Variants in PLEKHM1 observed in about 807,000 individuals in gnomAD.
PLEKHM1 encodes pleckstrin homology domain-containing family M member 1.
PLEKHM1 carries 28 observed loss-of-function variants against 94.3 expected under a neutral mutation model. The observed-to-expected ratio is 0.30, with a 90% CI of 0.22 to 0.41. The LOEUF is 0.41. Among genes scored for constraint, PLEKHM1 ranks in the 10% least tolerant of loss-of-function variants. PLEKHM1 has a pLI of 1.00. For missense variants in PLEKHM1, 907 were observed against 1,358.6 expected, an observed-to-expected ratio of 0.67 and a Z score of 5.22; for synonymous variants, 424 against 581.2, an observed-to-expected ratio of 0.73 and a Z score of 3.89.
chr17:45,440,434 C>A, intron 9 of PLEKHM1: 1 of 638,532 alleles, frequency 1.6e-6, no homozygotes, highest in African/African-American at 1.8e-5. Context: ...GGGCACGTTA[C>A]TTAACCTCTC....
chr17:45,436,116 G>C lies in PLEKHM1; in HGVS notation c.*1742C>G. ...ATCTGAAAGCACTGGCAGCTTCTGG[G>C]GAACGGGCCCCCCAGGGCCTCAAAC... is the stretch of plus-strand genomic sequence containing the variant. On this transcript the variant is annotated 3_prime_UTR_variant, in exon 12 of 12. Coordinates refer to ENST00000430334, the MANE Select transcript of PLEKHM1 (RefSeq NM_014798.3). The C allele has an allele frequency of 2.2e-6, 1 of 456,424 alleles. No individual in the cohort carries two copies. The highest frequency in any genetic ancestry group is 1.5e-5 in the South Asian group (1 of 64,564). 28.3% of individuals were successfully genotyped at this position (456,424 alleles called of 1,614,324 possible).
Position 45,436,465 on chromosome 17 carries a change from TG to T in PLEKHM1, c.*1392del, listed in dbSNP as rs777646613. 24 of 452,412 alleles carry T rather than the reference TG, an allele frequency of 5.3e-5. No individual in the cohort carries two copies. Among genetic ancestry groups the T allele is most frequent in the Non-Finnish European group, 1.0e-4 (23 of 225,910 alleles). The allele number at this position is 452,412 out of a possible 1,614,324, so 28.0% of individuals were successfully genotyped here. On this transcript the variant is annotated 3_prime_UTR_variant, in exon 12 of 12. Transcript: ENST00000430334. ...GCAGCTAATCGCCCCCAGGGAAGGG[TG>T]GGGGTGGGCTCATCTCTGACAGTGA... is the stretch of plus-strand genomic sequence containing the variant.
rs1420700004 is a variant in PLEKHM1, at chr17:45,475,762, C to T, written c.297-36G>A. On this transcript the variant is annotated intron_variant, in intron 3 of 11. Transcript: ENST00000430334. ...AGAACAGACGTGTTTCAAGAAACTA[C>T]CCCAAATCACAGAGATGTGCTTTTA... The T allele has an allele frequency of 4.5e-6, 7 of 1,559,926 alleles. No homozygotes were observed. The Admixed American group carries it at 9.6e-5, about 21-fold the overall frequency.
intron 3 of PLEKHM1, chr17:45,476,169 T>G (rs2051728186): frequency 6.8e-6 from 1 of 146,816 alleles, no homozygotes; most frequent in South Asian, 2.1e-4. Context: ...ATAATAAATA[T>G]ATAAATATAA....
In PLEKHM1 at chr17:45,437,883, TA is replaced by T. The variant is rs2050317249; in HGVS notation, c.3145del (p.Tyr1049ThrfsTer17). On this transcript the variant is annotated frameshift_variant, in exon 12 of 12. Coordinates refer to ENST00000430334, the MANE Select transcript of PLEKHM1 (RefSeq NM_014798.3). LOFTEE classifies it high-confidence loss of function. The surrounding 1 kb of genome is among the most constrained non-coding windows in gnomAD (Gnocchi z 4.0). ...GCPRCARRRK[Y>X]QEQNIFA is the part of the protein sequence containing the mutation. ...TCAGGCGAAAATGTTCTGTTCCTGGTACTTGCGCCGGCGGGCACAGCGGGGG... is the reference window on the plus strand; with the variant it reads ...TCAGGCGAAAATGTTCTGTTCCTGGTCTTGCGCCGGCGGGCACAGCGGGGG... The T allele has an allele frequency of 1.2e-6, 2 of 1,613,966 alleles. No individual in the cohort carries two copies. The highest frequency in any genetic ancestry group is 1.6e-4 in the Middle Eastern group (1 of 6,062).
intron 10 of PLEKHM1, among the ~76,000 whole-genome samples, chr17:45,439,870 T>C (rs2050387904): frequency 6.6e-6 from 1 of 152,220 alleles, no homozygotes; most frequent in South Asian, 2.1e-4. Context: ...ATGGGATTTA[T>C]AGCTGAGACC....
intron 8 of PLEKHM1, among the ~76,000 whole-genome samples, chr17:45,446,513 T>C (rs1267814523): frequency 1.3e-5 from 2 of 152,182 alleles, no homozygotes; most frequent in Admixed American, 6.5e-5. Context: ...TCCCCTGCAG[T>C]GATCTCGCTG....
intron 1 of PLEKHM1, among the ~76,000 whole-genome samples, chr17:45,483,790 T>C (rs1363255457): frequency 1.3e-5 from 2 of 152,070 alleles, no homozygotes; most frequent in East Asian, 3.9e-4. Flanking sequence ...AGGAAGTTCC[T>C]GAGGTCCCAG....
intron 2 of PLEKHM1, among the ~76,000 whole-genome samples, chr17:45,478,907 TCA>T (rs2051847490): frequency 6.6e-6 from 1 of 152,132 alleles, no homozygotes; most frequent in Non-Finnish European, 1.5e-5. Context: ...ATGGGCCTCC[TCA>T]GACATTCCAC....
chr17:45,468,004 G>A (rs1159495103), intron 5 of PLEKHM1, among the ~76,000 whole-genome samples: 3 of 152,028 alleles, frequency 2.0e-5, no homozygotes, highest in Non-Finnish European at 2.9e-5. Context: ...CAGCTCACAT[G>A]CCAAGAAACA....
rs747561959 is a variant in PLEKHM1, at chr17:45,439,652, G to A, written c.2902-18C>T. 1.9e-6 allele frequency: 3 copies of A among 1,612,126 alleles called. No homozygotes were observed. Among genetic ancestry groups the A allele is most frequent in the East Asian group, 2.2e-5 (1 of 44,870 alleles). ...TCTGCGATCTGCGGAGGGCAAGTAG[G>A]AATCCTTCATACACCCCGTCTGCGA... On this transcript the variant is annotated intron_variant, in intron 10 of 11. Coordinates refer to ENST00000430334, the MANE Select transcript of PLEKHM1 (RefSeq NM_014798.3).
At position 45,436,853 on chromosome 17, in the gene PLEKHM1, G is replaced by T; in HGVS notation, c.*1005C>A. ...TAGGACCAGGTCACTTCTCCACAGT[G>T]CAGGGCGTGGCTGCCTGCCCTCTCT... On this transcript the variant is annotated 3_prime_UTR_variant, in exon 12 of 12. Transcript: ENST00000430334. 1 of 453,906 alleles carries T rather than the reference G, an allele frequency of 2.2e-6. No homozygotes were observed. Among genetic ancestry groups the T allele is most frequent in the Non-Finnish European group, 4.4e-6 (1 of 226,556 alleles). 28.1% of individuals were successfully genotyped at this position (453,906 alleles called of 1,614,324 possible). A position where few individuals can be genotyped will look rare whatever the true frequency, so the allele number is the denominator to read the frequency against.
intron 11 of PLEKHM1, among the ~76,000 whole-genome samples, chr17:45,439,257 G>A (rs2050363726): frequency 6.6e-6 from 1 of 152,228 alleles, no homozygotes; most frequent in African/African-American, 2.4e-5. Context: ...GAGGAGTCCT[G>A]GGAAAGCTTG....
intron 10 of PLEKHM1, 107 bp downstream of exon 10, chr17:45,440,056 G>A: frequency 9.3e-7 from 1 of 1,078,994 alleles, no homozygotes; most frequent in East Asian, 2.4e-5. Context: ...ACAGACTGCT[G>A]TCTTCTTCAG....
intron 6 of PLEKHM1, among the ~76,000 whole-genome samples, chr17:45,457,003 A>C (rs566724779): frequency 1.3e-5 from 2 of 152,080 alleles, no homozygotes; most frequent in South Asian, 4.2e-4. Flanking sequence ...CAACATGGCA[A>C]AATCCTATGT....
At chr17:45,480,764 T>C (rs2051927026) in intron 2 of PLEKHM1, among the ~76,000 whole-genome samples, 1 of 152,270 alleles carries the variant, frequency 6.6e-6, no homozygotes, top group South Asian at 2.1e-4. Context: ...CATCCCTTTT[T>C]ATTGCCAGAA....
At chr17:45,468,835 G>A (rs928338444) in intron 4 of PLEKHM1, among the ~76,000 whole-genome samples, 2 of 152,140 alleles carry the variant, frequency 1.3e-5, no homozygotes, top group Non-Finnish European at 2.9e-5. Context: ...GATCTCAGGC[G>A]AAAAAGCTCC....
Position 45,437,762 on chromosome 17 carries a change from G to A in PLEKHM1, c.*96C>T, listed in dbSNP as rs1227801508. The A allele has an allele frequency of 1.1e-6, 1 of 948,314 alleles. No homozygotes were observed. The highest frequency in any genetic ancestry group is 1.7e-5 in the Admixed American group (1 of 57,638). The allele number at this position is 948,314 out of a possible 1,614,324, so 58.7% of individuals were successfully genotyped here. On this transcript the variant is annotated 3_prime_UTR_variant, in exon 12 of 12. Coordinates refer to ENST00000430334, the MANE Select transcript of PLEKHM1 (RefSeq NM_014798.3). The surrounding 1 kb of genome is among the most constrained non-coding windows in gnomAD (Gnocchi z 4.0). ...GTCTTCCTGACAAGGGGACACAGCTGTGACACGGTGAGTATCCTGGGCTGA... is the reference window on the plus strand; with the variant it reads ...GTCTTCCTGACAAGGGGACACAGCTATGACACGGTGAGTATCCTGGGCTGA...
In PLEKHM1 at chr17:45,436,541, C is replaced by T; in HGVS notation, c.*1317G>A. The T allele has an allele frequency of 2.2e-6, 1 of 452,792 alleles. No homozygotes were observed. 28.0% of individuals were successfully genotyped at this position (452,792 alleles called of 1,614,324 possible). On this transcript the variant is annotated 3_prime_UTR_variant, in exon 12 of 12. Coordinates refer to ENST00000430334, the MANE Select transcript of PLEKHM1 (RefSeq NM_014798.3). ...GACTCCAAGCTGAGCGCAGGTAAGA[C>T]AGCTAGGACTGAGGGCCTGCTAGGT...
Sources: allele counts gnomAD v4.1 joint callset (sites outside exome capture counted in the v4.1 genomes callset), GRCh38; gene constraint gnomAD v4.1.1; non-coding constraint Gnocchi (gnomAD v3.1); transcripts MANE v1.5; gene names NCBI Gene and HGNC (gene_info 2026-07-23, HGNC 2026-07-21).